Variants in KLF12 observed in about 807,000 individuals in gnomAD.
KLF12 encodes the protein Krueppel-like factor 12.
In KLF12, 9 loss-of-function variants were observed where a neutral mutation model predicts 37.8. The ratio of observed to expected loss-of-function variants is 0.24; its 90% CI spans 0.14 to 0.42. The LOEUF is 0.42. Among genes scored for constraint, KLF12 ranks in the 10% least tolerant of loss-of-function variants. The pLI is 1.00. For synonymous variants in KLF12, 208 were observed against 202.1 expected (o/e 1.03, Z -0.25); for missense variants, 411 against 516.0 (o/e 0.80, Z 1.97).
At chr13:73,816,761 T>G (rs1883242613) in intron 4 of KLF12, among the ~76,000 whole-genome samples, 2 of 152,348 alleles carry the variant, frequency 1.3e-5, no homozygotes, top group Middle Eastern at 3.4e-3. Context: ...CACTTGCACC[T>G]TGGGTTTCCC....
At chr13:73,940,167 C>T (rs536492605) in intron 3 of KLF12, among the ~76,000 whole-genome samples, 193 of 152,216 alleles carry the variant, frequency 1.3e-3, no homozygotes, top group African/African-American at 4.2e-3. Flanking sequence ...TGCTTAGTAA[C>T]ATGTTAGAAC....
chr13:74,085,439 C>T (rs1875215407), intron 1 of KLF12, among the ~76,000 whole-genome samples: 1 of 152,114 alleles, frequency 6.6e-6, no homozygotes, highest in Non-Finnish European at 1.5e-5. Context: ...AATCATATGC[C>T]TTGAGCACTT....
At chr13:74,079,913 T>G (rs1465907533) in intron 1 of KLF12, among the ~76,000 whole-genome samples, 5 of 152,162 alleles carry the variant, frequency 3.3e-5, no homozygotes, top group Non-Finnish European at 7.4e-5. Context: ...CAGGGTCCCT[T>G]GCTACCCACA....
chr13:74,291,887 T>C, the KLF12 span, among the ~76,000 whole-genome samples: 2 of 152,324 alleles, frequency 1.3e-5, no homozygotes, highest in African/African-American at 4.8e-5. Flanking sequence ...TCAAAATGTC[T>C]TCTCAGCTGT....
intron 5 of KLF12, among the ~76,000 whole-genome samples, chr13:73,780,793 C>G (rs1047214298): frequency 6.6e-6 from 1 of 152,308 alleles, no homozygotes; most frequent in Non-Finnish European, 1.5e-5. Context: ...ATTAAAGAAG[C>G]AGTTTGAGAT....
chr13:73,919,742 AT>A lies in KLF12; in HGVS notation c.123+24238del, dbSNP rs532628640. Among the ~76,000 whole-genome samples, 421 of 152,326 alleles carry A rather than the reference AT, an allele frequency of 2.8e-3. 3 individuals are homozygous for A. Among genetic ancestry groups the A allele is most frequent in the African/African-American group, 9.8e-3 (407 of 41,574 alleles). Reference sequence around the variant, plus strand: ...CAGAAATCTGGATATTGTAATCAATATATTACAAAAAGCAACATAACTTCAT... The same window carrying A: ...CAGAAATCTGGATATTGTAATCAATAATTACAAAAAGCAACATAACTTCAT... On this transcript the variant is annotated intron_variant, in intron 3 of 7. Coordinates refer to ENST00000377669, the MANE Select transcript of KLF12 (RefSeq NM_007249.5).
At chr13:73,968,589 G>T (rs1891237331) in intron 2 of KLF12, among the ~76,000 whole-genome samples, 1 of 151,974 alleles carries the variant, frequency 6.6e-6, no homozygotes, top group South Asian at 2.1e-4. Context: ...TCTCATCTTG[G>T]GACTTTGACT....
the KLF12 span, among the ~76,000 whole-genome samples, chr13:74,297,357 C>A: frequency 7.9e-4 from 120 of 152,280 alleles, 3 homozygotes; most frequent in South Asian, 0.016. Context: ...AAAATTCCAG[C>A]AGATTTCTTT....
At chr13:73,956,142 T>C (rs9318232) in intron 2 of KLF12, among the ~76,000 whole-genome samples, 100,145 of 152,132 alleles carry the variant, frequency 0.66, 34,669 homozygotes, top group East Asian at 0.82. Flanking sequence ...TAAGGAATTA[T>C]ATAACTGCAC....
At chr13:74,289,890 G>A in the KLF12 span, among the ~76,000 whole-genome samples, 2 of 152,274 alleles carry the variant, frequency 1.3e-5, no homozygotes, top group East Asian at 1.9e-4. Flanking sequence ...TTATATCGGA[G>A]CCCTCATAAG....
chr13:74,001,347 T>C (rs1488809362), intron 1 of KLF12, among the ~76,000 whole-genome samples: 1 of 152,196 alleles, frequency 6.6e-6, no homozygotes, highest in Non-Finnish European at 1.5e-5. Context: ...ATTAAAAATA[T>C]TGAAAGCAAC....
chr13:73,749,026 G>A (rs1405996287), intron 6 of KLF12, among the ~76,000 whole-genome samples: 4 of 152,238 alleles, frequency 2.6e-5, no homozygotes, highest in Admixed American at 6.5e-5. Context: ...TACTTTGATG[G>A]TCATTTCCTA....
At chr13:74,080,912 T>C (rs1426465427) in intron 1 of KLF12, among the ~76,000 whole-genome samples, 1 of 152,196 alleles carries the variant, frequency 6.6e-6, no homozygotes, top group African/African-American at 2.4e-5. Context: ...CTCTACAACA[T>C]GCCATCTTCC....
the KLF12 span, among the ~76,000 whole-genome samples, chr13:74,144,105 A>C: frequency 1.3e-5 from 2 of 152,318 alleles, no homozygotes; most frequent in East Asian, 3.9e-4. Context: ...TGGCTGCTAC[A>C]GCCCATTGTG....
intron 4 of KLF12, among the ~76,000 whole-genome samples, chr13:73,814,405 T>G (rs1448018454): frequency 6.6e-6 from 1 of 152,210 alleles, no homozygotes; most frequent in Non-Finnish European, 1.5e-5. Context: ...GAATGTACCA[T>G]TTTTACCCAC....
chr13:73,762,960 G>A (rs538160842), intron 6 of KLF12, among the ~76,000 whole-genome samples: 2 of 152,204 alleles, frequency 1.3e-5, no homozygotes, highest in East Asian at 1.9e-4. Context: ...TAACGTACAC[G>A]TATTAAATCC....
At chr13:73,869,514 T>C (rs575438396) in intron 3 of KLF12, among the ~76,000 whole-genome samples, 1 of 152,224 alleles carries the variant, frequency 6.6e-6, no homozygotes, top group East Asian at 1.9e-4. Flanking sequence ...CAGGGTTTAA[T>C]TTTACATTTT....
chr13:74,221,941 T>C, the KLF12 span, among the ~76,000 whole-genome samples: 1 of 152,340 alleles, frequency 6.6e-6, no homozygotes, highest in East Asian at 1.9e-4. Context: ...ATAGGTCATT[T>C]ATGTGGCAAT....
Position 73,779,216 on chromosome 13 carries a change from T to A in KLF12, c.807-14216A>T, listed in dbSNP as rs117485950. On this transcript the variant is annotated intron_variant, in intron 5 of 7. Transcript: ENST00000377669. ...CCTCCTTTGACCATGCCTTGGTTTA[T>A]GTTAATGAGATGACATATGGCAGAA... Among the ~76,000 whole-genome samples, 206 of 152,324 alleles carry A rather than the reference T, an allele frequency of 1.4e-3. 3 individuals carry two copies. In the East Asian group the frequency reaches 0.029, roughly 22 times the overall value.
Sources: allele counts gnomAD v4.1 joint callset (sites outside exome capture counted in the v4.1 genomes callset), GRCh38; gene constraint gnomAD v4.1.1; transcripts MANE v1.5; gene names NCBI Gene and HGNC (gene_info 2026-07-23, HGNC 2026-07-21).